The following UTP25 variants were observed in gnomAD, a reference collection of about 807,000 sequenced individuals.
UTP25 encodes UTP25 small subunit processome component.
In UTP25, 50 loss-of-function variants were observed where a neutral mutation model predicts 78.9. The observed-to-expected ratio is 0.63, with a 90% CI of 0.50 to 0.80. UTP25 has a LOEUF of 0.80. UTP25 is among the 30% of genes least tolerant of loss of function. UTP25 has a pLI of 0.00. For missense variants in UTP25, 846 were observed against 911.3 expected, an observed-to-expected ratio of 0.93 and a Z score of 0.92; for synonymous variants, 329 against 336.5, an observed-to-expected ratio of 0.98 and a Z score of 0.24.
intron 11 of UTP25, among the ~76,000 whole-genome samples, chr1:209,846,965 C>G (rs532435935): frequency 6.6e-6 from 1 of 152,282 alleles, no homozygotes; most frequent in South Asian, 2.1e-4. Context: ...GATATAAATA[C>G]TCTTTTTGGT....
intron 4 of UTP25, among the ~76,000 whole-genome samples, chr1:209,834,808 G>A (rs941457493): frequency 5.9e-5 from 9 of 152,192 alleles, no homozygotes; most frequent in African/African-American, 1.9e-4. Flanking sequence ...GATGCAGGTT[G>A]GAGGTATATC....
At chr1:209,845,867 T>C (rs2078194365) in intron 11 of UTP25, among the ~76,000 whole-genome samples, 1 of 151,738 alleles carries the variant, frequency 6.6e-6, no homozygotes, top group Non-Finnish European at 1.5e-5. Context: ...CTTTTTCTTT[T>C]TTTTTTTTTA....
Position 209,843,640 on chromosome 1 carries a change from C to T in UTP25, c.1971C>T (p.Phe657=). The change falls in exon 11 of 12, where the codon TTC becomes TTT. Residue 657 remains phenylalanine, a synonymous_variant. Transcript: ENST00000491415. ...KSGVSRARHF[F]LQGEKQFLLF... ...GTGTCTCCAGGGCCAGACACTTCTT[C>T]CTTCAAGGAGAGAAACAGTTTCTAC... The T allele has an allele frequency of 2.5e-6, 4 of 1,614,154 alleles. No individual in the cohort carries two copies. The highest frequency in any genetic ancestry group is 1.1e-5 in the South Asian group (1 of 91,084).
At chr1:209,847,217 C>T (rs1297937232) in intron 11 of UTP25, among the ~76,000 whole-genome samples, 3 of 152,062 alleles carry the variant, frequency 2.0e-5, no homozygotes, top group Admixed American at 6.5e-5. Context: ...TATAGCTCTA[C>T]GACATCCTCT....
Position 209,838,907 on chromosome 1 carries a change from A to AACAAT in UTP25, c.1063-2_1063-1insACAAT. The AACAAT allele has an allele frequency of 6.2e-7, 1 of 1,614,014 alleles. No homozygotes were observed. Among genetic ancestry groups the AACAAT allele is most frequent in the Non-Finnish European group, 8.5e-7 (1 of 1,179,924 alleles). On this transcript the variant is annotated splice_acceptor_variant, in intron 6 of 11. Transcript: ENST00000491415. LOFTEE classifies it high-confidence loss of function. ...CTAAGGCTGCTGTTGCTGTCTGCAC[A>AACAAT]GGTACTGATAGTGGTGCCATTCCGG...
intron 1 of UTP25, among the ~76,000 whole-genome samples, chr1:209,829,486 C>CTT (rs200092993): frequency 3.5e-5 from 5 of 141,420 alleles, no homozygotes; most frequent in African/African-American, 7.7e-5. Flanking sequence ...CTTTTCTTTT[C>CTT]TTTTTTCTTT....
rs187793455 is a variant in UTP25 at position 209,829,569 on chromosome 1, C to G, written c.108-539C>G. 1.1e-3 allele frequency among the ~76,000 whole-genome samples: 162 copies of G among 151,962 alleles called. No individual in the cohort carries two copies. The Middle Eastern group carries it at 0.014, about 13-fold the overall frequency. ...TGCAATCCTGGCTCACTGCAGCCAC[C>G]ACCTCCTGGGCTCAAGCGGTCCTCC... is the stretch of plus-strand genomic sequence containing the variant. On this transcript the variant is annotated intron_variant, in intron 1 of 11. Coordinates refer to ENST00000491415, the MANE Select transcript of UTP25 (RefSeq NM_014388.7).
intron 3 of UTP25, 79 bp downstream of exon 3, chr1:209,831,122 C>A: frequency 6.8e-7 from 1 of 1,462,096 alleles, no homozygotes; most frequent in East Asian, 2.3e-5. Context: ...ACCTTATATA[C>A]TGTGTGAGTT....
chr1:209,831,178 T>A lies in UTP25; in HGVS notation c.388+135T>A, dbSNP rs372848916. ...AAAATAGGGATTTACCCTTGTTGGG[T>A]TTGATTGTATCTTTGAGAATCTGAT... On this transcript the variant is annotated intron_variant, in intron 3 of 11. Transcript: ENST00000491415. 41 of 857,368 alleles carry A rather than the reference T, an allele frequency of 4.8e-5. No homozygotes were observed. The East Asian group carries it at 1.0e-3, about 22-fold the overall frequency. The allele number at this position is 857,368 out of a possible 1,614,324, so 53.1% of individuals were successfully genotyped here.
chr1:209,850,364 T>C (rs1307551032), intron 11 of UTP25, among the ~76,000 whole-genome samples: 1 of 152,146 alleles, frequency 6.6e-6, no homozygotes, highest in East Asian at 1.9e-4. Flanking sequence ...TCCAGAGAGA[T>C]CAGGATGAGC....
Position 209,828,083 on chromosome 1 carries a change from G to A in UTP25, c.20G>A (p.Arg7Gln). The A allele has an allele frequency of 6.2e-7, 1 of 1,614,146 alleles. No individual in the cohort carries two copies. ...TTCGCTATGGGCAAACGCGGGAGCC[G>A]GAGCCAGAGCCAGCTACTCAACACC... Reference protein sequence around the residue: MGKRGSRSQSQLLNTLT... With the variant: MGKRGSQSQSQLLNTLT... The change falls in exon 1 of 12, where the codon CGG (arginine) becomes CAG (glutamine). Residue 7 changes from arginine (R) to glutamine (Q), a missense_variant. Physicochemically the swap from Arg to Gln is conservative, Grantham distance 43. Coordinates refer to ENST00000491415, the MANE Select transcript of UTP25 (RefSeq NM_014388.7).
At chr1:209,834,540 A>G (rs139641005) in intron 4 of UTP25, among the ~76,000 whole-genome samples, 88 of 152,156 alleles carry the variant, frequency 5.8e-4, no homozygotes, top group African/African-American at 2.1e-3. Context: ...GTATATATGT[A>G]TATGTGTTGG....
chr1:209,830,346 A>T (rs1488136068), intron 2 of UTP25, among the ~76,000 whole-genome samples, 199 bp downstream of exon 2: 1 of 152,180 alleles, frequency 6.6e-6, no homozygotes, highest in Non-Finnish European at 1.5e-5. Context: ...CACAGTTTGA[A>T]ATTGTCCCAG....
chr1:209,847,710 T>A (rs904451912), intron 11 of UTP25, among the ~76,000 whole-genome samples: 1 of 152,226 alleles, frequency 6.6e-6, no homozygotes, highest in African/African-American at 2.4e-5. Context: ...TAGTTCTCAA[T>A]TGGGGAACAA....
At chr1:209,846,835 A>ATG (rs968110400) in intron 11 of UTP25, among the ~76,000 whole-genome samples, 3 of 152,132 alleles carry the variant, frequency 2.0e-5, no homozygotes, top group African/African-American at 7.2e-5. Flanking sequence ...ACAGATTTTC[A>ATG]TGTGTGTGTG....
Position 209,837,031 on chromosome 1 carries a change from C to T in UTP25, c.882C>T (p.Tyr294=). The stretch of plus-strand genomic sequence containing the variant: ...TGAATTCTTACCGGGACCTGTTCTA[C>T]CCGGAAAGGACTGCTCTGAAGAACG... ...LIMNSYRDLF[Y]PERTALKNGE... Residue 294 remains tyrosine (Y), a synonymous_variant, in exon 6 of 12, where the codon TAC becomes TAT. Coordinates refer to ENST00000491415, the MANE Select transcript of UTP25 (RefSeq NM_014388.7). The T allele has an allele frequency of 6.2e-7, 1 of 1,614,132 alleles. No homozygotes were observed. The highest frequency in any genetic ancestry group is 8.5e-7 in the Non-Finnish European group (1 of 1,180,024).
Position 209,855,868 on chromosome 1 carries a change from T to C in UTP25, c.*4421T>C, listed in dbSNP as rs2078271865. The C allele has an allele frequency of 6.6e-6, 1 of 152,328 alleles. No homozygotes were observed. The highest frequency in any genetic ancestry group is 2.4e-5 in the African/African-American group (1 of 41,448). 9.4% of individuals were successfully genotyped at this position (152,328 alleles called of 1,614,324 possible). Reference sequence around the variant, plus strand: ...AGCCAAGGCCAAAGCTGTCTACCTTTTGCCAACCTAAGGAATGACACAGAG... The same window carrying C: ...AGCCAAGGCCAAAGCTGTCTACCTTCTGCCAACCTAAGGAATGACACAGAG... On this transcript the variant is annotated 3_prime_UTR_variant, in exon 12 of 12. Transcript: ENST00000491415.
rs142114513 is a variant in UTP25 at position 209,839,544 on chromosome 1, G to A, written c.1282+416G>A. Among the ~76,000 whole-genome samples, 345 of 152,236 alleles carry A rather than the reference G, an allele frequency of 2.3e-3. 1 individual carries two copies. The highest frequency in any genetic ancestry group is 8.0e-3 in the African/African-American group (334 of 41,536). ...TACATAAAGGTGGACTTTCTCCTGT[G>A]TGCTACATAGATGCCTACCCTGAAT... is the stretch of plus-strand genomic sequence containing the variant. On this transcript the variant is annotated intron_variant, in intron 7 of 11. Transcript: ENST00000491415.
intron 11 of UTP25, among the ~76,000 whole-genome samples, chr1:209,846,513 C>T (rs6540563): frequency 1.3e-5 from 2 of 152,064 alleles, no homozygotes; most frequent in African/African-American, 2.4e-5. Flanking sequence ...CAGGAGAATC[C>T]CAGTTCTAGA....
Sources: gnomAD v4.1 joint callset for allele counts (sites outside exome capture counted in the v4.1 genomes callset) on GRCh38, gnomAD v4.1.1 for gene constraint, MANE v1.5 for transcripts, NCBI Gene and HGNC (gene_info 2026-07-23, HGNC 2026-07-21) for gene names.